Variants in ADAM32 observed in about 807,000 individuals in gnomAD.
ADAM32 encodes ADAM metallopeptidase domain 32.
Under a neutral mutation model 114.9 loss-of-function variants are expected in ADAM32, and 89 were observed. The observed-to-expected ratio is 0.77, with a 90% confidence interval of 0.65 to 0.92. ADAM32 has a LOEUF of 0.92. Among genes scored for constraint, ADAM32 ranks in the 40% least tolerant of loss-of-function variants. The probability of loss-of-function intolerance (pLI) is 0.00; values close to 1 mark genes in which losing one functional copy is unlikely to be tolerated. For synonymous variants in ADAM32, 285 were observed against 307.5 expected (o/e 0.93, Z 0.77); for missense variants, 870 against 932.8 (o/e 0.93, Z 0.88).
intron 19 of ADAM32, among the ~76,000 whole-genome samples, chr8:39,257,961 T>C (rs1327296135): frequency 6.6e-6 from 1 of 152,114 alleles, no homozygotes; most frequent in African/African-American, 2.4e-5. Flanking sequence ...TCCCCTTCCC[T>C]CCCTGTAGAG....
At chr8:39,109,676 A>G (rs1346367310) in intron 1 of ADAM32, among the ~76,000 whole-genome samples, 1 of 152,212 alleles carries the variant, frequency 6.6e-6, no homozygotes, top group Non-Finnish European at 1.5e-5. Context: ...TTCTCCCACT[A>G]TCAACATCTG....
chr8:39,259,356 C>T (rs967192790), intron 19 of ADAM32, among the ~76,000 whole-genome samples: 2 of 151,906 alleles, frequency 1.3e-5, no homozygotes, highest in African/African-American at 4.8e-5. Context: ...TGCACCACCA[C>T]GCCTGGCTAA....
At chr8:39,211,424 G>A in intron 12 of ADAM32, 100 bp downstream of exon 12, 1 of 1,153,944 alleles carries the variant, frequency 8.7e-7, no homozygotes, top group Non-Finnish European at 1.1e-6. Flanking sequence ...GTACCATGCA[G>A]AATGTTGACA....
At chr8:39,188,980 G>A (rs1427863109) in intron 11 of ADAM32, among the ~76,000 whole-genome samples, 1 of 151,986 alleles carries the variant, frequency 6.6e-6, no homozygotes, top group Non-Finnish European at 1.5e-5. Context: ...AAAAAGCCCT[G>A]GAGTATAAGT....
intron 5 of ADAM32, 83 bp downstream of exon 5, chr8:39,149,950 G>A (rs1585404420): frequency 9.1e-7 from 1 of 1,103,210 alleles, no homozygotes; most frequent in East Asian, 2.5e-5. Context: ...TTAAGTGTGG[G>A]GTTGAAGGAG....
At chr8:39,163,238 G>T (rs1003874007) in intron 7 of ADAM32, among the ~76,000 whole-genome samples, 1 of 152,102 alleles carries the variant, frequency 6.6e-6, no homozygotes, top group South Asian at 2.1e-4. Flanking sequence ...TTACTACTCA[G>T]GTATATTGAA....
chr8:39,181,686 T>A (rs1358053276), intron 10 of ADAM32, among the ~76,000 whole-genome samples: 1 of 152,200 alleles, frequency 6.6e-6, no homozygotes, highest in African/African-American at 2.4e-5. Context: ...GTAAAGGAAT[T>A]TGAACTGATG....
intron 11 of ADAM32, among the ~76,000 whole-genome samples, chr8:39,208,073 AC>A (rs1319141959): frequency 6.6e-6 from 1 of 151,988 alleles, no homozygotes. Context: ...ATTTTTTTTT[AC>A]AGATATATAC....
intron 2 of ADAM32, among the ~76,000 whole-genome samples, chr8:39,119,047 C>T (rs1186451117): frequency 6.6e-6 from 1 of 152,098 alleles, no homozygotes; most frequent in Non-Finnish European, 1.5e-5. Flanking sequence ...TAGGATTATC[C>T]ATTTTGTAGC....
intron 16 of ADAM32, among the ~76,000 whole-genome samples, chr8:39,238,834 C>G (rs1479578631): frequency 6.6e-6 from 1 of 151,870 alleles, no homozygotes; most frequent in Admixed American, 6.6e-5. Context: ...AGAGCTTTAA[C>G]ACAAGGCTTT....
chr8:39,280,244 C>T (rs1813341896), intron 22 of ADAM32, among the ~76,000 whole-genome samples: 1 of 152,038 alleles, frequency 6.6e-6, no homozygotes. Flanking sequence ...AGTAATTCAG[C>T]TTTAGCTCTT....
At chr8:39,220,081 G>A (rs1177152121) in intron 12 of ADAM32, among the ~76,000 whole-genome samples, 1 of 152,106 alleles carries the variant, frequency 6.6e-6, no homozygotes, top group African/African-American at 2.4e-5. Context: ...GTGACTAAGT[G>A]TTTTTGTAGG....
chr8:39,146,460 G>A (rs967594240), intron 3 of ADAM32, among the ~76,000 whole-genome samples: 2 of 146,712 alleles, frequency 1.4e-5, no homozygotes, highest in African/African-American at 5.1e-5. Flanking sequence ...ACCCAGGCTG[G>A]ATTGCAGTGG....
chr8:39,149,945 T>C (rs1330795717), intron 5 of ADAM32, 78 bp downstream of exon 5: 3 of 1,234,388 alleles, frequency 2.4e-6, no homozygotes, highest in Non-Finnish European at 3.4e-6. Flanking sequence ...TTGTATTAAG[T>C]GTGGGGTTGA....
chr8:39,115,181 G>A (rs1176387099), intron 1 of ADAM32, among the ~76,000 whole-genome samples: 1 of 152,164 alleles, frequency 6.6e-6, no homozygotes, highest in South Asian at 2.1e-4. Flanking sequence ...ATGAATATAC[G>A]TGTGCATGTG....
intron 19 of ADAM32, among the ~76,000 whole-genome samples, chr8:39,268,522 C>A (rs1812507443): frequency 6.6e-6 from 1 of 152,136 alleles, no homozygotes; most frequent in East Asian, 1.9e-4. Context: ...ATGTAATTTG[C>A]AAACATGTTA....
intron 14 of ADAM32, chr8:39,223,931 T>C (rs563465577): frequency 6.6e-6 from 1 of 152,288 alleles, no homozygotes; most frequent in African/African-American, 2.4e-5. Context: ...TCACTTAGCA[T>C]AATGGCCTCC....
intron 19 of ADAM32, among the ~76,000 whole-genome samples, chr8:39,268,895 C>G (rs1426729483): frequency 1.3e-5 from 2 of 152,194 alleles, no homozygotes; most frequent in Non-Finnish European, 2.9e-5. Context: ...CTGAGTAACT[C>G]TATCCATCTT....
At chr8:39,194,174 G>T (rs1806796722) in intron 11 of ADAM32, among the ~76,000 whole-genome samples, 1 of 152,188 alleles carries the variant, frequency 6.6e-6, no homozygotes, top group South Asian at 2.1e-4. Context: ...TAGCATGGGG[G>T]CACTGGTGGG....
Sources: allele counts gnomAD v4.1 joint callset (sites outside exome capture counted in the v4.1 genomes callset), GRCh38; gene constraint gnomAD v4.1.1; transcripts MANE v1.5; gene names NCBI Gene and HGNC (gene_info 2026-07-23, HGNC 2026-07-21).